PDPK1: variants seen among roughly 807,000 people sequenced by gnomAD.
PDPK1 encodes the protein 3-phosphoinositide-dependent protein kinase 1.
In PDPK1, 7 loss-of-function variants were observed where a neutral mutation model predicts 39.8. The ratio of observed to expected loss-of-function variants is 0.18; its 90% CI spans 0.10 to 0.33. The LOEUF (loss-of-function observed/expected upper bound fraction) is 0.33, where lower values mean the gene tolerates loss of function less well. PDPK1 is among the 10% of genes least tolerant of loss of function. PDPK1 has a pLI of 1.00. For missense variants in PDPK1, 182 were observed against 384.7 expected (o/e 0.47, Z 4.41); for synonymous variants, 118 against 159.1 (o/e 0.74, Z 1.95).
At chr16:2,584,343 T>TC (rs1171580332) in intron 10 of PDPK1, among the ~76,000 whole-genome samples, 2 of 146,144 alleles carry the variant, frequency 1.4e-5, no homozygotes, top group African/African-American at 2.5e-5. Flanking sequence ...TGTACGGAGT[T>TC]CCACTTTCCA....
At chr16:2,539,434 G>A (rs946570630) in intron 1 of PDPK1, 2 of 152,100 alleles carry the variant, frequency 1.3e-5, no homozygotes, top group African/African-American at 2.4e-5. Context: ...GCGGGGAGTG[G>A]GGGGTTGTGA....
intron 11 of PDPK1, among the ~76,000 whole-genome samples, chr16:2,595,109 C>A (rs2067074131): frequency 6.6e-6 from 1 of 152,168 alleles, no homozygotes; most frequent in African/African-American, 2.4e-5. Context: ...GGTGACGGAG[C>A]AAGACTTTGT....
intron 1 of PDPK1, among the ~76,000 whole-genome samples, chr16:2,544,675 C>A (rs1469862792): frequency 6.6e-6 from 1 of 152,122 alleles, no homozygotes; most frequent in Non-Finnish European, 1.5e-5. Flanking sequence ...GCTCCGCCTC[C>A]TGGGTTCACA....
At position 2,586,633 on chromosome 16, in the gene PDPK1, G is replaced by A. The variant is rs779079294; in HGVS notation, c.1126-43G>A. On this transcript the variant is annotated intron_variant, in intron 10 of 13. Coordinates refer to ENST00000342085, the MANE Select transcript of PDPK1 (RefSeq NM_002613.5). ...GGGGCTGGGGTTTTAGGACCTTAGA[G>A]GCAAGTGAAGGTGCGGTTCTCACTT... The A allele has an allele frequency of 8.3e-6, 13 of 1,561,270 alleles. No individual in the cohort carries two copies. In the South Asian group the frequency reaches 1.4e-4, roughly 17 times the overall value.
intron 12 of PDPK1, among the ~76,000 whole-genome samples, chr16:2,596,825 G>T (rs543192848): frequency 6.6e-6 from 1 of 152,260 alleles, no homozygotes; most frequent in South Asian, 2.1e-4. Flanking sequence ...GTGGGTGGAG[G>T]CCGGCTACCG....
At chr16:2,595,072 A>G (rs543652609) in intron 11 of PDPK1, among the ~76,000 whole-genome samples, 30 of 152,166 alleles carry the variant, frequency 2.0e-4, no homozygotes, top group African/African-American at 1.9e-4. Flanking sequence ...ACAGTGAGCT[A>G]TGGTGGCGCC....
chr16:2,542,162 T>C (rs1484542699), intron 1 of PDPK1, among the ~76,000 whole-genome samples: 1 of 152,160 alleles, frequency 6.6e-6, no homozygotes, highest in Non-Finnish European at 1.5e-5. Flanking sequence ...TTCTGTTTGT[T>C]TATTTATTTA....
In PDPK1 at chr16:2,573,589, G is replaced by A. The variant is rs1412702372; in HGVS notation, c.710-3836G>A. Among the ~76,000 whole-genome samples the A allele has an allele frequency of 6.5e-5, 4 of 62,014 alleles. No individual in the cohort carries two copies. In the Admixed American group the frequency reaches 6.9e-4, roughly 11 times the overall value. The allele number at this position is 62,014 out of a possible 152,430, so 40.7% of individuals were successfully genotyped here. A position where few individuals can be genotyped will look rare whatever the true frequency, so the allele number is the denominator to read the frequency against. On this transcript the variant is annotated intron_variant, in intron 6 of 13. Transcript: ENST00000342085. Reference sequence around the variant, plus strand: ...GTAATCCCAGCACTTTGGGAGGCCGGGGTGGGTGGATCACCTAAGGTCAGG... The same window carrying A: ...GTAATCCCAGCACTTTGGGAGGCCGAGGTGGGTGGATCACCTAAGGTCAGG...
chr16:2,552,588 G>C (rs1368005200), intron 1 of PDPK1, among the ~76,000 whole-genome samples: 19 of 133,154 alleles, frequency 1.4e-4, no homozygotes, highest in Admixed American at 2.2e-4. Context: ...ACTCGTCATT[G>C]AGTGGCGCGG....
intron 1 of PDPK1, among the ~76,000 whole-genome samples, chr16:2,540,492 G>A (rs571283504): frequency 6.6e-6 from 1 of 152,206 alleles, no homozygotes; most frequent in East Asian, 1.9e-4. Context: ...TGCCCCTCAC[G>A]TTCGGAGCCC....
intron 1 of PDPK1, among the ~76,000 whole-genome samples, chr16:2,541,277 T>C (rs2066240088): frequency 6.6e-6 from 1 of 152,168 alleles, no homozygotes; most frequent in South Asian, 2.1e-4. Flanking sequence ...AGTGTTCCTT[T>C]TTCAGTCTAT....
At chr16:2,591,198 A>G (rs1350910145) in intron 11 of PDPK1, among the ~76,000 whole-genome samples, 1 of 152,128 alleles carries the variant, frequency 6.6e-6, no homozygotes, top group African/African-American at 2.4e-5. Context: ...CCTGACCTCA[A>G]GTGATTCACC....
chr16:2,585,075 A>G (rs2066838566), intron 10 of PDPK1, among the ~76,000 whole-genome samples: 1 of 152,210 alleles, frequency 6.6e-6, no homozygotes, highest in South Asian at 2.1e-4. Context: ...CTGGGCTCTG[A>G]AGGAGCAGCA....
chr16:2,597,553 C>T lies in PDPK1; in HGVS notation c.1555-98C>T, dbSNP rs2067128800. 4.5e-6 allele frequency: 4 copies of T among 889,152 alleles called. No individual in the cohort carries two copies. In the South Asian group the frequency reaches 5.5e-5, roughly 12 times the overall value. 55.1% of individuals were successfully genotyped at this position (889,152 alleles called of 1,614,324 possible). ...AATAACCGTCACACCCACGTGCTTT[C>T]AGGACTCGGAATGGCTGGTCGCAGG... On this transcript the variant is annotated intron_variant, in intron 13 of 13. Transcript: ENST00000342085. The surrounding 1 kb of genome is among the most constrained non-coding windows in gnomAD (Gnocchi z 6.3).
chr16:2,540,411 C>A (rs932256449), intron 1 of PDPK1, among the ~76,000 whole-genome samples: 1 of 152,156 alleles, frequency 6.6e-6, no homozygotes, highest in Non-Finnish European at 1.5e-5. Context: ...TCCCATTTTA[C>A]GGGTGCAGAA....
intron 1 of PDPK1, among the ~76,000 whole-genome samples, chr16:2,543,647 G>A (rs1247015447): frequency 6.6e-6 from 1 of 151,622 alleles, no homozygotes; most frequent in Non-Finnish European, 1.5e-5. Context: ...TTTCCTCCTT[G>A]CCTAGAGAAA....
chr16:2,601,187 C>G lies in PDPK1; in HGVS notation c.*3420C>G, dbSNP rs968853296. On this transcript the variant is annotated 3_prime_UTR_variant, in exon 14 of 14. Transcript: ENST00000342085. ...GTTCATTTTGAAGATATTTCTGTCT[C>G]TCTCTCGACCTGATGTGTAGACGCT... 4 of 233,420 alleles carry G rather than the reference C, an allele frequency of 1.7e-5. No homozygotes were observed. Among genetic ancestry groups the G allele is most frequent in the Non-Finnish European group, 2.5e-5 (3 of 117,912 alleles). The allele number at this position is 233,420 out of a possible 1,614,324, so 14.5% of individuals were successfully genotyped here.
At chr16:2,562,983 CA>C (rs2066636692) in intron 4 of PDPK1, 1 of 152,868 alleles carries the variant, frequency 6.5e-6, no homozygotes, top group African/African-American at 2.4e-5. Flanking sequence ...AGAATGGAGT[CA>C]GGGGCGGCTC....
intron 1 of PDPK1, among the ~76,000 whole-genome samples, chr16:2,544,175 G>C (rs1340913690): frequency 6.6e-6 from 1 of 152,166 alleles, no homozygotes; most frequent in Admixed American, 6.5e-5. Flanking sequence ...CTATGGTTGG[G>C]GATGGCAGAC....
Sources: allele counts gnomAD v4.1 joint callset (sites outside exome capture counted in the v4.1 genomes callset), GRCh38; gene constraint gnomAD v4.1.1; non-coding constraint Gnocchi (gnomAD v3.1); transcripts MANE v1.5; gene names NCBI Gene and HGNC (gene_info 2026-07-23, HGNC 2026-07-21).